CELF4: variants seen among roughly 807,000 people sequenced by gnomAD.
CELF4 encodes the protein CUGBP Elav-like family member 4.
Under a neutral mutation model 59.9 loss-of-function variants are expected in CELF4, and 18 were observed. The observed-to-expected ratio is 0.30, with a 90% CI of 0.21 to 0.45. CELF4 has a LOEUF of 0.45. Ranked by LOEUF, CELF4 falls within the 20% of genes least tolerant of loss-of-function variation. The probability of loss-of-function intolerance (pLI) is 1.00; values close to 1 mark genes in which losing one functional copy is unlikely to be tolerated. For synonymous variants in CELF4, 261 were observed against 267.1 expected, an observed-to-expected ratio of 0.98 and a Z score of 0.22; for missense variants, 456 against 689.0, an observed-to-expected ratio of 0.66 and a Z score of 3.79.
intron 1 of CELF4, among the ~76,000 whole-genome samples, chr18:37,515,773 G>C: frequency 6.6e-6 from 1 of 152,110 alleles, no homozygotes; most frequent in East Asian, 1.9e-4. Flanking sequence ...TCTCCACCAA[G>C]AAGAGCCAGT....
At position 37,244,567 on chromosome 18, in the gene CELF4, GT is replaced by G. The variant is rs60413372; in HGVS notation, c.*674del. 60,947 of 151,060 alleles carry G rather than the reference GT, an allele frequency of 0.4. 14,454 individuals carry two copies. The highest frequency in any genetic ancestry group is 0.67 in the African/African-American group (27,353 of 41,120). 9.4% of individuals were successfully genotyped at this position (151,060 alleles called of 1,614,324 possible). ...AAGCGTTATTTTTCCTTTTTTTGTT[GT>G]TTTTTTTGTTTTTTGTTTTTTTTTT... is the stretch of plus-strand genomic sequence containing the variant. On this transcript the variant is annotated 3_prime_UTR_variant, in exon 13 of 13. Transcript: ENST00000420428.
chr18:37,424,369 C>T (rs1381167470), intron 2 of CELF4, among the ~76,000 whole-genome samples: 1 of 151,994 alleles, frequency 6.6e-6, no homozygotes, highest in Non-Finnish European at 1.5e-5. Context: ...TAGTGGTTTG[C>T]CAAGGAGAAA....
At position 37,253,783 on chromosome 18, in the gene CELF4, C is replaced by T; in HGVS notation, c.*28G>A. 1 of 1,580,892 alleles carries T rather than the reference C, an allele frequency of 6.3e-7. No homozygotes were observed. The highest frequency in any genetic ancestry group is 8.6e-7 in the Non-Finnish European group (1 of 1,162,868). On this transcript the variant is annotated 3_prime_UTR_variant, in exon 12 of 13. Transcript: ENST00000420428. The surrounding 1 kb of genome is among the most constrained non-coding windows in gnomAD (Gnocchi z 4.5). ...CCCGGTTACCTGTGCGAGTCCTGGT[C>T]TCCCCCGGGGGACGCTCCCGCCGGC...
At chr18:37,298,469 C>T (rs1345244299) in intron 3 of CELF4, among the ~76,000 whole-genome samples, 1 of 152,164 alleles carries the variant, frequency 6.6e-6, no homozygotes, top group African/African-American at 2.4e-5. Flanking sequence ...CCTGTAATCC[C>T]AGCACTTTGG....
intron 2 of CELF4, among the ~76,000 whole-genome samples, chr18:37,388,694 G>A (rs1161520863): frequency 3.3e-5 from 5 of 152,152 alleles, no homozygotes; most frequent in African/African-American, 4.8e-5. Context: ...TGGGGAGGGA[G>A]AAGCCAAAAA....
intron 2 of CELF4, among the ~76,000 whole-genome samples, chr18:37,415,709 G>T (rs2099522081): frequency 6.6e-6 from 1 of 152,136 alleles, no homozygotes; most frequent in Non-Finnish European, 1.5e-5. Context: ...GGAGCCTGAC[G>T]ATTTCTACCA....
chr18:37,349,501 C>A (rs3865392), intron 2 of CELF4, among the ~76,000 whole-genome samples: 88,428 of 152,034 alleles, frequency 0.58, 27,206 homozygotes, highest in East Asian at 0.74. Context: ...TTATGGCAGG[C>A]CTAAAGAATC....
chr18:37,455,397 C>T (rs1218059887), intron 2 of CELF4, among the ~76,000 whole-genome samples: 2 of 152,236 alleles, frequency 1.3e-5, no homozygotes, highest in Non-Finnish European at 2.9e-5. Context: ...TCCCTTCTCT[C>T]CTCTTCTTCC....
rs1294435131 is a variant in CELF4 at position 37,243,856 on chromosome 18, GA to G, written c.*1385del. On this transcript the variant is annotated 3_prime_UTR_variant, in exon 13 of 13. Coordinates refer to ENST00000420428, the MANE Select transcript of CELF4 (RefSeq NM_020180.4). ...GCAAGCGTGGAAGGCGAGTGAAGCGGAAGGTGAGTGAAGCGCGCGCAGCTCC... is the reference window on the plus strand; with the variant it reads ...GCAAGCGTGGAAGGCGAGTGAAGCGGAGGTGAGTGAAGCGCGCGCAGCTCC... 2.3e-5 allele frequency: 4 copies of G among 177,382 alleles called. No homozygotes were observed. The highest frequency in any genetic ancestry group is 4.8e-5 in the African/African-American group (2 of 41,934). 11.0% of individuals were successfully genotyped at this position (177,382 alleles called of 1,614,324 possible).
chr18:37,509,513 G>A (rs1435754199), intron 1 of CELF4, among the ~76,000 whole-genome samples: 1 of 152,240 alleles, frequency 6.6e-6, no homozygotes, highest in Non-Finnish European at 1.5e-5. Context: ...GGATTAGAGA[G>A]AGCAGGCATT....
At chr18:37,303,629 T>C (rs964692155) in intron 3 of CELF4, among the ~76,000 whole-genome samples, 3 of 152,126 alleles carry the variant, frequency 2.0e-5, no homozygotes, top group Non-Finnish European at 4.4e-5. Flanking sequence ...TCCTCCTTTT[T>C]AGAGCCACGT....
intron 1 of CELF4, among the ~76,000 whole-genome samples, chr18:37,564,856 C>T (rs1431327921): frequency 6.6e-6 from 1 of 152,088 alleles, no homozygotes. Context: ...GAATTTGTCA[C>T]CTCTCTCCCT....
chr18:37,296,884 T>G (rs555132392), intron 3 of CELF4, among the ~76,000 whole-genome samples: 1 of 152,202 alleles, frequency 6.6e-6, no homozygotes, highest in Admixed American at 6.5e-5. Flanking sequence ...GGACGCCCCT[T>G]CACCCCCAAG....
chr18:37,546,984 C>T (rs192950939), intron 1 of CELF4, among the ~76,000 whole-genome samples: 5 of 152,266 alleles, frequency 3.3e-5, no homozygotes, highest in African/African-American at 1.2e-4. Flanking sequence ...CCCCATCATC[C>T]CGGGACAGAC....
At chr18:37,260,392 T>A (rs1210869165) in intron 10 of CELF4, among the ~76,000 whole-genome samples, 4 of 152,230 alleles carry the variant, frequency 2.6e-5, no homozygotes, top group Non-Finnish European at 5.9e-5. Context: ...CACATATAAT[T>A]TCATCTTTTA....
intron 2 of CELF4, among the ~76,000 whole-genome samples, chr18:37,401,552 T>C (rs553556664): frequency 1.3e-5 from 2 of 152,174 alleles, no homozygotes; most frequent in Non-Finnish European, 2.9e-5. Flanking sequence ...CAGAACAGCC[T>C]TATGAGCCAG....
At chr18:37,318,705 A>G (rs2096963521) in intron 3 of CELF4, among the ~76,000 whole-genome samples, 1 of 146,476 alleles carries the variant, frequency 6.8e-6, no homozygotes, top group Admixed American at 6.8e-5. Flanking sequence ...TGTTAGCCAC[A>G]GGAGATATAT....
chr18:37,327,802 G>A (rs1603485904), intron 2 of CELF4, among the ~76,000 whole-genome samples: 1 of 152,052 alleles, frequency 6.6e-6, no homozygotes, highest in African/African-American at 2.4e-5. Flanking sequence ...CTTCACGCTG[G>A]GCCCCAGCAG....
chr18:37,422,781 G>A (rs1309037032), intron 2 of CELF4, among the ~76,000 whole-genome samples: 4 of 152,164 alleles, frequency 2.6e-5, no homozygotes, highest in Non-Finnish European at 5.9e-5. Flanking sequence ...TTTTATGCCA[G>A]GGAAGCTGGC....
Sources: allele counts gnomAD v4.1 joint callset (sites outside exome capture counted in the v4.1 genomes callset), GRCh38; gene constraint gnomAD v4.1.1; non-coding constraint Gnocchi (gnomAD v3.1); transcripts MANE v1.5; gene names NCBI Gene and HGNC (gene_info 2026-07-23, HGNC 2026-07-21).